The following NUBPL variants were observed in gnomAD, a reference collection of about 807,000 sequenced individuals.
The protein encoded by NUBPL is iron-sulfur cluster transfer protein NUBPL.
A neutral mutation model predicts 45.7 loss-of-function variants in NUBPL; 31 were observed. The observed-to-expected ratio is 0.68, with a 90% CI of 0.51 to 0.92. NUBPL has a LOEUF of 0.92. Ranked by LOEUF, NUBPL falls within the 40% of genes least tolerant of loss-of-function variation. The pLI, the probability that NUBPL is intolerant of heterozygous loss-of-function variation, is 0.00. For missense variants in NUBPL, 401 were observed against 398.7 expected (o/e 1.01, Z -0.05); for synonymous variants, 144 against 140.9 (o/e 1.02, Z -0.15).
intron 4 of NUBPL, among the ~76,000 whole-genome samples, chr14:31,622,969 T>G (rs1180009917): frequency 1.3e-5 from 2 of 152,194 alleles, no homozygotes; most frequent in Admixed American, 6.5e-5. Context: ...ACCGTGTGCT[T>G]GGGAAAGCCG....
intron 3 of NUBPL, among the ~76,000 whole-genome samples, chr14:31,591,522 T>C (rs1338558988): frequency 1.3e-5 from 2 of 152,186 alleles, no homozygotes; most frequent in African/African-American, 4.8e-5. Flanking sequence ...TTTTCTTTCA[T>C]GAAGTCTATT....
At chr14:31,842,133 G>A (rs2138980437) in intron 8 of NUBPL, among the ~76,000 whole-genome samples, 1 of 151,668 alleles carries the variant, frequency 6.6e-6, no homozygotes, top group East Asian at 2.0e-4. Flanking sequence ...GTTTCACCGT[G>A]TTAGCCAGGA....
At chr14:31,669,459 CT>C (rs540141377) in intron 4 of NUBPL, among the ~76,000 whole-genome samples, 23,353 of 141,804 alleles carry the variant, frequency 0.16, 5,099 homozygotes, top group African/African-American at 0.5. Context: ...CTTTTCTTTG[CT>C]TTTTTTTTTT....
chr14:31,828,570 C>G (rs1004646496), intron 8 of NUBPL, among the ~76,000 whole-genome samples: 2 of 152,088 alleles, frequency 1.3e-5, no homozygotes, highest in African/African-American at 4.8e-5. Flanking sequence ...AAGTTTTAAA[C>G]AGAGCAGGAG....
intron 7 of NUBPL, among the ~76,000 whole-genome samples, chr14:31,826,050 G>A (rs1414924776): frequency 6.6e-6 from 1 of 151,962 alleles, no homozygotes; most frequent in African/African-American, 2.4e-5. Flanking sequence ...CACATTATCT[G>A]AATGAGAAGA....
chr14:31,562,225 G>A lies in NUBPL; in HGVS notation c.256+10G>A. 1 of 1,608,374 alleles carries A rather than the reference G, an allele frequency of 6.2e-7. No homozygotes were observed. The highest frequency in any genetic ancestry group is 1.3e-5 in the African/African-American group (1 of 74,886). Reference sequence around the variant, plus strand: ...AAATCTACTACAGCAGGTATTATAGGATATTAATTCTATTCCTGATTAAGA... The same window carrying A: ...AAATCTACTACAGCAGGTATTATAGAATATTAATTCTATTCCTGATTAAGA... On this transcript the variant is annotated intron_variant, in intron 2 of 10. Transcript: ENST00000281081.
At chr14:31,722,136 A>G (rs1486465252) in intron 6 of NUBPL, among the ~76,000 whole-genome samples, 1 of 152,074 alleles carries the variant, frequency 6.6e-6, no homozygotes, top group Non-Finnish European at 1.5e-5. Flanking sequence ...AGCTGGGACT[A>G]CAGGTGCCTG....
At chr14:31,732,701 T>G (rs192213104) in intron 6 of NUBPL, among the ~76,000 whole-genome samples, 1 of 136,852 alleles carries the variant, frequency 7.3e-6, no homozygotes, top group African/African-American at 2.7e-5. Context: ...AACCTCCATC[T>G]CCCGGGTTTA....
intron 6 of NUBPL, among the ~76,000 whole-genome samples, chr14:31,742,847 T>C (rs1005805465): frequency 2.0e-5 from 3 of 151,316 alleles, no homozygotes; most frequent in Admixed American, 6.6e-5. Flanking sequence ...CCTCAAGTAA[T>C]ATGCCTGCCT....
chr14:31,576,331 A>C (rs1045939142), intron 3 of NUBPL, among the ~76,000 whole-genome samples: 17 of 152,292 alleles, frequency 1.1e-4, no homozygotes, highest in African/African-American at 4.1e-4. Context: ...GCATGATTAT[A>C]GCTTACTGCA....
intron 8 of NUBPL, among the ~76,000 whole-genome samples, chr14:31,828,039 G>GAT (rs2040133192): frequency 6.6e-6 from 1 of 152,042 alleles, no homozygotes; most frequent in Non-Finnish European, 1.5e-5. Flanking sequence ...TTATAAGGAA[G>GAT]GTGCCTGTAT....
intron 8 of NUBPL, among the ~76,000 whole-genome samples, chr14:31,828,644 A>G (rs145950605): frequency 3.3e-5 from 5 of 152,300 alleles, no homozygotes; most frequent in African/African-American, 7.2e-5. Context: ...TACCATTTCA[A>G]CTGACACTGT....
intron 7 of NUBPL, among the ~76,000 whole-genome samples, chr14:31,792,368 C>T (rs1394441197): frequency 2.0e-5 from 3 of 152,178 alleles, no homozygotes; most frequent in Non-Finnish European, 4.4e-5. Context: ...CTTTGGGCCT[C>T]TTTAACTCAC....
At chr14:31,684,064 C>T (rs1432472466) in intron 6 of NUBPL, among the ~76,000 whole-genome samples, 1 of 152,166 alleles carries the variant, frequency 6.6e-6, no homozygotes, top group African/African-American at 2.4e-5. Flanking sequence ...TCCAGAATTA[C>T]ATCCATAGCT....
At chr14:31,641,463 T>C (rs888458176) in intron 4 of NUBPL, among the ~76,000 whole-genome samples, 9 of 152,194 alleles carry the variant, frequency 5.9e-5, no homozygotes, top group Non-Finnish European at 1.0e-4. Context: ...TTTCACTTAA[T>C]GTAATGACCT....
intron 4 of NUBPL, among the ~76,000 whole-genome samples, chr14:31,602,459 G>A (rs12885598): frequency 0.47 from 70,689 of 150,376 alleles, 18,836 homozygotes; most frequent in East Asian, 0.6. Flanking sequence ...TCTATAATTC[G>A]CTACTACAGA....
chr14:31,737,688 G>A (rs2038193380), intron 6 of NUBPL, among the ~76,000 whole-genome samples: 1 of 152,138 alleles, frequency 6.6e-6, no homozygotes, highest in African/African-American at 2.4e-5. Context: ...GGAGGCTGAG[G>A]CACAAGAATC....
chr14:31,683,004 G>A (rs1250777071), intron 6 of NUBPL, among the ~76,000 whole-genome samples: 1 of 138,500 alleles, frequency 7.2e-6, no homozygotes, highest in Admixed American at 8.1e-5. Flanking sequence ...AGGCGGGGAG[G>A]AGGTGCTAGG....
intron 6 of NUBPL, among the ~76,000 whole-genome samples, chr14:31,706,070 C>T (rs1057456446): frequency 6.6e-6 from 1 of 152,194 alleles, no homozygotes; most frequent in African/African-American, 2.4e-5. Context: ...CTGAAGGGCT[C>T]CTCGAGCACA....
Sources: gnomAD v4.1 joint callset for allele counts (sites outside exome capture counted in the v4.1 genomes callset) on GRCh38, gnomAD v4.1.1 for gene constraint, MANE v1.5 for transcripts, NCBI Gene and HGNC (gene_info 2026-07-23, HGNC 2026-07-21) for gene names.